Variants in BTBD9 observed in about 807,000 individuals in gnomAD.
BTBD9 encodes BTB domain containing 9, also known as BTB/POZ domain-containing protein 9.
Under a neutral mutation model 64.3 loss-of-function variants are expected in BTBD9, and 49 were observed. The observed-to-expected ratio is 0.76, with a 90% CI of 0.61 to 0.97. The LOEUF (loss-of-function observed/expected upper bound fraction) is 0.97, where lower values mean the gene tolerates loss of function less well. BTBD9 is among the 50% of genes least tolerant of loss of function. The probability of loss-of-function intolerance (pLI) is 0.00; values close to 1 mark genes in which losing one functional copy is unlikely to be tolerated. For synonymous variants in BTBD9, 260 were observed against 274.7 expected (o/e 0.95, Z 0.53); for missense variants, 598 against 762.1 (o/e 0.78, Z 2.53).
chr6:38,453,689 T>A (rs1769660513), intron 6 of BTBD9, among the ~76,000 whole-genome samples: 1 of 152,170 alleles, frequency 6.6e-6, no homozygotes, highest in Non-Finnish European at 1.5e-5. Flanking sequence ...CCTTAGTTAC[T>A]TAGCTCTTCA....
intron 6 of BTBD9, among the ~76,000 whole-genome samples, chr6:38,437,623 T>C (rs1768798361): frequency 6.6e-6 from 1 of 152,222 alleles, no homozygotes; most frequent in African/African-American, 2.4e-5. Flanking sequence ...TCTTTAATCT[T>C]ATACCCCAGA....
chr6:38,225,857 CT>C (rs1763377116), intron 9 of BTBD9, among the ~76,000 whole-genome samples: 1 of 152,210 alleles, frequency 6.6e-6, no homozygotes, highest in African/African-American at 2.4e-5. Flanking sequence ...AGTTTTACCA[CT>C]TACAGATTAC....
intron 6 of BTBD9, among the ~76,000 whole-genome samples, chr6:38,536,336 CAAT>C (rs1582595010): frequency 6.6e-6 from 1 of 152,028 alleles, no homozygotes; most frequent in South Asian, 2.1e-4. Flanking sequence ...TAAATGCTGT[CAAT>C]GATGTGGAGA....
chr6:38,296,116 G>A (rs560016317), intron 7 of BTBD9, among the ~76,000 whole-genome samples: 4 of 152,278 alleles, frequency 2.6e-5, no homozygotes, highest in African/African-American at 9.6e-5. Flanking sequence ...CTAGCCTTGT[G>A]CCTTTACCAT....
intron 8 of BTBD9, among the ~76,000 whole-genome samples, chr6:38,271,161 A>T (rs185759180): frequency 6.3e-4 from 96 of 152,304 alleles, no homozygotes; most frequent in African/African-American, 2.0e-3. Context: ...TTTACAAACA[A>T]CATCTTGGCA....
chr6:38,221,165 A>G (rs1426357610), intron 9 of BTBD9, among the ~76,000 whole-genome samples: 1 of 152,110 alleles, frequency 6.6e-6, no homozygotes, highest in Non-Finnish European at 1.5e-5. Context: ...GTAACACAAT[A>G]TTTATCTCGC....
At position 38,345,082 on chromosome 6, in the gene BTBD9, A is replaced by T. The variant is rs767909125; in HGVS notation, c.1166T>A (p.Ile389Asn). The change falls in exon 7 of 11, where the codon ATT becomes AAT. Residue 389 changes from isoleucine to asparagine, a missense_variant. Transcript: ENST00000481247. ...GTTCACTGTGTTGTGAGTCCCAACA[A>T]TTCGAATATACCTGACGGTAAAAAG... ...FPARVCRYIR[I>N]VGTHNTVNKI... The T allele has an allele frequency of 6.2e-7, 1 of 1,602,288 alleles. No individual in the cohort carries two copies.
chr6:38,410,199 G>T (rs1767354122), intron 6 of BTBD9, among the ~76,000 whole-genome samples: 1 of 152,132 alleles, frequency 6.6e-6, no homozygotes, highest in Admixed American at 6.5e-5. Flanking sequence ...GTCCAGGCAT[G>T]GTGGCTCACA....
At chr6:38,231,176 A>AT (rs1763592922) in intron 9 of BTBD9, among the ~76,000 whole-genome samples, 1 of 152,234 alleles carries the variant, frequency 6.6e-6, no homozygotes, top group Non-Finnish European at 1.5e-5. Flanking sequence ...TCTTGGTTTC[A>AT]TTTTTATACC....
chr6:38,637,405 A>C (rs1778562859), intron 1 of BTBD9, among the ~76,000 whole-genome samples: 1 of 152,216 alleles, frequency 6.6e-6, no homozygotes, highest in African/African-American at 2.4e-5. Flanking sequence ...CACTCAAAAG[A>C]ATTTTCACAT....
chr6:38,573,337 TATA>T (rs1775863830), intron 6 of BTBD9, among the ~76,000 whole-genome samples: 2 of 152,286 alleles, frequency 1.3e-5, no homozygotes, highest in South Asian at 2.1e-4. Context: ...ATTATAACTT[TATA>T]ATGAGAGATA....
intron 10 of BTBD9, chr6:38,179,472 C>G: frequency 2.2e-6 from 1 of 456,770 alleles, no homozygotes; most frequent in Non-Finnish European, 4.4e-6. Flanking sequence ...GGTCCCAGGG[C>G]TCCAGTTACA....
At chr6:38,327,637 T>C (rs939960670) in intron 7 of BTBD9, among the ~76,000 whole-genome samples, 6 of 152,344 alleles carry the variant, frequency 3.9e-5, no homozygotes, top group South Asian at 2.1e-4. Flanking sequence ...CTGATATATG[T>C]AGACACTCGT....
intron 6 of BTBD9, among the ~76,000 whole-genome samples, chr6:38,463,955 C>T (rs547783135): frequency 3.3e-5 from 5 of 152,158 alleles, no homozygotes; most frequent in Admixed American, 2.0e-4. Context: ...TCATCTGAGC[C>T]GGAGATGCAG....
At chr6:38,616,345 T>A (rs796802859) in intron 1 of BTBD9, among the ~76,000 whole-genome samples, 1 of 152,192 alleles carries the variant, frequency 6.6e-6, no homozygotes. Flanking sequence ...CTTTTACTTA[T>A]ATAATGGCCA....
intron 7 of BTBD9, among the ~76,000 whole-genome samples, chr6:38,327,297 C>T (rs1240481357): frequency 2.6e-5 from 4 of 152,248 alleles, no homozygotes; most frequent in South Asian, 4.1e-4. Context: ...CACCAGGCTT[C>T]CACTCCTATA....
chr6:38,472,463 G>A (rs1770691751), intron 6 of BTBD9, among the ~76,000 whole-genome samples: 1 of 152,110 alleles, frequency 6.6e-6, no homozygotes, highest in Non-Finnish European at 1.5e-5. Flanking sequence ...TACTGAAAAG[G>A]AGAGTTGGGC....
chr6:38,182,409 A>T (rs963718017), intron 10 of BTBD9, among the ~76,000 whole-genome samples: 1 of 152,116 alleles, frequency 6.6e-6, no homozygotes, highest in African/African-American at 2.4e-5. Context: ...TCTTTTAGTT[A>T]TTTTTTTGAA....
chr6:38,468,793 T>A (rs188164523), intron 6 of BTBD9, among the ~76,000 whole-genome samples: 107 of 152,252 alleles, frequency 7.0e-4, no homozygotes, highest in African/African-American at 2.5e-3. Flanking sequence ...AACCTTAGAA[T>A]ATAAAACTTT....
Sources: gnomAD v4.1 joint callset for allele counts (sites outside exome capture counted in the v4.1 genomes callset) on GRCh38, gnomAD v4.1.1 for gene constraint, MANE v1.5 for transcripts, NCBI Gene and HGNC (gene_info 2026-07-23, HGNC 2026-07-21) for gene names.